RIMS2: variants seen among roughly 807,000 people sequenced by gnomAD.
The protein encoded by RIMS2 is regulating synaptic membrane exocytosis protein 2.
Under a neutral mutation model 174.4 loss-of-function variants are expected in RIMS2, and 59 were observed. That is an observed-to-expected ratio of 0.34 (90% CI 0.27 to 0.42). The LOEUF (loss-of-function observed/expected upper bound fraction) is 0.42, where lower values mean the gene tolerates loss of function less well. RIMS2 is among the 10% of genes least tolerant of loss of function. The probability of loss-of-function intolerance (pLI) is 1.00; values close to 1 mark genes in which losing one functional copy is unlikely to be tolerated. For missense variants in RIMS2, 1,620 were observed against 1,666.3 expected, an observed-to-expected ratio of 0.97 and a Z score of 0.48; for synonymous variants, 606 against 572.5, an observed-to-expected ratio of 1.06 and a Z score of -0.84.
At chr8:104,026,102 A>T (rs2096251370) in intron 19 of RIMS2, among the ~76,000 whole-genome samples, 1 of 152,154 alleles carries the variant, frequency 6.6e-6, no homozygotes, top group South Asian at 2.1e-4. Flanking sequence ...ATTTTTGGAA[A>T]TTAGTAATCA....
chr8:103,969,182 T>G (rs1041625844), intron 15 of RIMS2, among the ~76,000 whole-genome samples: 4 of 152,136 alleles, frequency 2.6e-5, no homozygotes, highest in Non-Finnish European at 4.4e-5. Context: ...GCATTTGTCC[T>G]ACTTGGTATT....
At chr8:103,709,105 A>G (rs565724390) in intron 2 of RIMS2, among the ~76,000 whole-genome samples, 2 of 152,270 alleles carry the variant, frequency 1.3e-5, no homozygotes, top group Admixed American at 1.3e-4. Context: ...CAGACATTGT[A>G]GCAATGTCAA....
intron 19 of RIMS2, among the ~76,000 whole-genome samples, chr8:104,044,906 A>G (rs1336162029): frequency 6.6e-6 from 1 of 151,824 alleles, no homozygotes; most frequent in African/African-American, 2.4e-5. Context: ...AATACAGACG[A>G]TAAGAAAACA....
At chr8:103,990,157 AG>A (rs1232562329) in intron 17 of RIMS2, among the ~76,000 whole-genome samples, 3 of 152,154 alleles carry the variant, frequency 2.0e-5, no homozygotes, top group Admixed American at 2.0e-4. Context: ...AAAATAACGA[AG>A]GAACTCAGAA....
At chr8:104,226,403 T>A (rs1480935019) in intron 19 of RIMS2, among the ~76,000 whole-genome samples, 1 of 152,222 alleles carries the variant, frequency 6.6e-6, no homozygotes, top group Non-Finnish European at 1.5e-5. Flanking sequence ...GTTTCCATTC[T>A]ACACAAAAAG....
At chr8:103,909,066 T>C (rs1266195401) in intron 4 of RIMS2, among the ~76,000 whole-genome samples, 1 of 152,148 alleles carries the variant, frequency 6.6e-6, no homozygotes, top group Non-Finnish European at 1.5e-5. Flanking sequence ...GAGGGGTGTT[T>C]GCTGACCCCA....
chr8:104,049,162 C>T (rs1450765069), intron 19 of RIMS2, among the ~76,000 whole-genome samples: 1 of 150,656 alleles, frequency 6.6e-6, no homozygotes, highest in Non-Finnish European at 1.5e-5. Context: ...GTGGCTCACG[C>T]CTGTATTCCC....
chr8:103,732,425 G>C (rs2097612488), intron 2 of RIMS2, among the ~76,000 whole-genome samples: 1 of 152,174 alleles, frequency 6.6e-6, no homozygotes, highest in African/African-American at 2.4e-5. Context: ...GTTGCTTAAG[G>C]CCCGCAGTGA....
intron 16 of RIMS2, among the ~76,000 whole-genome samples, chr8:103,986,033 A>G (rs1172957096): frequency 6.6e-6 from 1 of 152,206 alleles, no homozygotes; most frequent in Non-Finnish European, 1.5e-5. Context: ...TCTATTGTAT[A>G]TAATGGCAAC....
intron 2 of RIMS2, among the ~76,000 whole-genome samples, chr8:103,709,381 T>G (rs373751430): frequency 1.3e-5 from 2 of 151,428 alleles, no homozygotes; most frequent in East Asian, 3.9e-4. Flanking sequence ...TGTGGTATCT[T>G]AGGTTGGATG....
At chr8:104,021,874 A>G (rs1304283501) in intron 19 of RIMS2, among the ~76,000 whole-genome samples, 1 of 152,140 alleles carries the variant, frequency 6.6e-6, no homozygotes, top group African/African-American at 2.4e-5. Flanking sequence ...GGCTTTTCAA[A>G]GATAGTTTGG....
intron 17 of RIMS2, among the ~76,000 whole-genome samples, chr8:104,009,988 A>G (rs55994856): frequency 0.38 from 24,311 of 63,968 alleles, 2,417 homozygotes; most frequent in Non-Finnish European, 0.45. Flanking sequence ...ATGGATGGAT[A>G]GATGGATGGA....
intron 4 of RIMS2, among the ~76,000 whole-genome samples, chr8:103,893,774 AGAGTT>A (rs2099261563): frequency 6.6e-6 from 1 of 152,008 alleles, no homozygotes; most frequent in African/African-American, 2.4e-5. Context: ...TTTTTATGAC[AGAGTT>A]GAGTAGTTGA....
At chr8:104,008,923 A>G (rs1295574211) in intron 17 of RIMS2, among the ~76,000 whole-genome samples, 1 of 152,022 alleles carries the variant, frequency 6.6e-6, no homozygotes, top group Non-Finnish European at 1.5e-5. Context: ...CCAAAATAAT[A>G]TAATATTCGT....
At chr8:103,588,949 T>C (rs1461847946) in intron 1 of RIMS2, among the ~76,000 whole-genome samples, 2 of 151,538 alleles carry the variant, frequency 1.3e-5, no homozygotes, top group Non-Finnish European at 3.0e-5. Context: ...AAGCAAAGGA[T>C]ACAATCAACA....
At chr8:103,625,166 T>C (rs1459186897) in intron 1 of RIMS2, among the ~76,000 whole-genome samples, 3 of 148,746 alleles carry the variant, frequency 2.0e-5, no homozygotes, top group African/African-American at 7.5e-5. Flanking sequence ...TTGTTTATTT[T>C]GCAGTATAAT....
chr8:103,601,698 G>A (rs981768382), intron 1 of RIMS2, among the ~76,000 whole-genome samples: 1 of 151,452 alleles, frequency 6.6e-6, no homozygotes, highest in Non-Finnish European at 1.5e-5. Context: ...CTGAAATTTT[G>A]TTATTTATTT....
At chr8:104,118,200 A>G (rs2098311190) in intron 19 of RIMS2, among the ~76,000 whole-genome samples, 1 of 152,014 alleles carries the variant, frequency 6.6e-6, no homozygotes, top group Admixed American at 6.6e-5. Flanking sequence ...ATTTTAGAAT[A>G]TTTTATATAG....
chr8:104,243,246 T>A (rs7823401), intron 19 of RIMS2, among the ~76,000 whole-genome samples: 1 of 152,162 alleles, frequency 6.6e-6, no homozygotes, highest in Non-Finnish European at 1.5e-5. Context: ...TTATACTCTT[T>A]AAAGCATTTT....
Sources: gnomAD v4.1 joint callset for allele counts (sites outside exome capture counted in the v4.1 genomes callset) on GRCh38, gnomAD v4.1.1 for gene constraint, MANE v1.5 for transcripts, NCBI Gene and HGNC (gene_info 2026-07-23, HGNC 2026-07-21) for gene names.